The following DENND4B variants were observed in gnomAD, a reference collection of about 807,000 sequenced individuals.
DENND4B encodes DENN domain-containing protein 4B.
DENND4B carries 67 observed loss-of-function variants against 161.0 expected under a neutral mutation model. That is an observed-to-expected ratio of 0.42 (90% CI 0.34 to 0.51). The LOEUF (loss-of-function observed/expected upper bound fraction) is 0.51. DENND4B is among the 20% of genes least tolerant of loss of function. The probability of loss-of-function intolerance (pLI) is 0.08; values close to 1 mark genes in which losing one functional copy is unlikely to be tolerated. For missense variants in DENND4B, 1,481 were observed against 1,968.0 expected, an observed-to-expected ratio of 0.75 and a Z score of 4.68; for synonymous variants, 753 against 813.8, an observed-to-expected ratio of 0.93 and a Z score of 1.27.
At position 153,941,371 on chromosome 1, in the gene DENND4B, C is replaced by T. The variant is rs1679660347; in HGVS notation, c.1122+3G>A. 2 of 1,613,512 alleles carry T rather than the reference C, an allele frequency of 1.2e-6. No individual in the cohort carries two copies. The highest frequency in any genetic ancestry group is 1.3e-5 in the African/African-American group (1 of 74,892). Reference sequence around the variant, plus strand: ...TCAGCCCGGCCCCAGCCTCAGCTCTCACCTGCACTAGGATGCGGGGTCTCT... The same window carrying T: ...TCAGCCCGGCCCCAGCCTCAGCTCTTACCTGCACTAGGATGCGGGGTCTCT... On this transcript the variant is annotated splice_donor_region_variant and intron_variant, in intron 7 of 27. Transcript: ENST00000361217.
Position 153,936,520 on chromosome 1 carries a change from C to A in DENND4B, c.2439+22G>T. On this transcript the variant is annotated intron_variant, in intron 16 of 27. Transcript: ENST00000361217. The surrounding 1 kb of genome is among the most constrained non-coding windows in gnomAD (Gnocchi z 4.1). ...AAGGCTCACTGGGCCTGGGTATGAG[C>A]ATGGTCACATAGATTGCCTACCTCA... 1 of 1,554,840 alleles carries A rather than the reference C, an allele frequency of 6.4e-7. No homozygotes were observed. Among genetic ancestry groups the A allele is most frequent in the Non-Finnish European group, 8.7e-7 (1 of 1,145,226 alleles).
chr1:153,934,974 A>G lies in DENND4B; in HGVS notation c.2569-10T>C. 6.2e-7 allele frequency: 1 copy of G among 1,609,346 alleles called. No individual in the cohort carries two copies. Among genetic ancestry groups the G allele is most frequent in the Non-Finnish European group, 8.5e-7 (1 of 1,179,784 alleles). On this transcript the variant is annotated splice_polypyrimidine_tract_variant and intron_variant, in intron 17 of 27. Coordinates refer to ENST00000361217, the MANE Select transcript of DENND4B (RefSeq NM_014856.3). This position sits in a 1 kb window ranked among gnomAD's most constrained non-coding sequence, Gnocchi z 5.3. ...TGCTTTCCAACACAGCCTACCAAGC[A>G]CAGTGCCCATCAGGATGGCCTACCT...
intron 1 of DENND4B, chr1:153,945,151 ACCCCGGGGAGTAGGAG>A (rs1679891348): frequency 7.8e-7 from 1 of 1,289,328 alleles, no homozygotes. Context: ...CCATGGCCCA[ACCCCGGGGAGTAGGAG>A]CCCCAAGGGT....
Position 153,945,068 on chromosome 1 carries a change from G to A in DENND4B, c.-23-671C>T, listed in dbSNP as rs554166037. 53 of 1,278,394 alleles carry A rather than the reference G, an allele frequency of 4.1e-5. 1 individual carries two copies. In the South Asian group the frequency reaches 5.6e-4, roughly 14 times the overall value. The allele number at this position is 1,278,394 out of a possible 1,614,324, so 79.2% of individuals were successfully genotyped here. On this transcript the variant is annotated intron_variant, in intron 1 of 27. Coordinates refer to ENST00000361217, the MANE Select transcript of DENND4B (RefSeq NM_014856.3). ...AAAGCAGTTGTGAGAGACAAGTCCCGGCCATCCCACACCCTCCACCATGGA... is the reference window on the plus strand; with the variant it reads ...AAAGCAGTTGTGAGAGACAAGTCCCAGCCATCCCACACCCTCCACCATGGA...
In DENND4B at chr1:153,944,999, A is replaced by G; in HGVS notation, c.-23-602T>C. 1 of 994,598 alleles carries G rather than the reference A, an allele frequency of 1.0e-6. No homozygotes were observed. Among genetic ancestry groups the G allele is most frequent in the Non-Finnish European group, 1.3e-6 (1 of 763,214 alleles). 61.6% of individuals were successfully genotyped at this position (994,598 alleles called of 1,614,324 possible). A position where few individuals can be genotyped will look rare whatever the true frequency, so the allele number is the denominator to read the frequency against. On this transcript the variant is annotated intron_variant, in intron 1 of 27. Coordinates refer to ENST00000361217, the MANE Select transcript of DENND4B (RefSeq NM_014856.3). This position sits in a 1 kb window ranked among gnomAD's most constrained non-coding sequence, Gnocchi z 4.8. ...ACTCCACCAATCTGGCCCAAAATCC[A>G]GTGTTCTCACACCTCCAGGATCCTT...
chr1:153,944,063 C>T lies in DENND4B; in HGVS notation c.312G>A (p.Glu104=), dbSNP rs1679825625. 3.2e-6 allele frequency: 5 copies of T among 1,564,488 alleles called. No homozygotes were observed. The African/African-American group carries it at 6.8e-5, about 21-fold the overall frequency. ...GCATGGGTAGGGGCACACACCCCAG[C>T]TCAACGAGGGGGGGCTTGTCACGGC... ...RRGRDKPPLV[E]LGVLYEGKER... is the part of the protein sequence containing the mutation. Residue 104 remains glutamate (E), a synonymous_variant, in exon 2 of 28, where the codon GAG becomes GAA. Coordinates refer to ENST00000361217, the MANE Select transcript of DENND4B (RefSeq NM_014856.3). This position sits in a 1 kb window ranked among gnomAD's most constrained non-coding sequence, Gnocchi z 4.8.
In DENND4B at chr1:153,946,261, G is replaced by A. The variant is rs1190832093; in HGVS notation, c.-24+40C>T. ...CTGCCGCCCGCGCTCCCTCCTGCCC[G>A]TCCCCGCCTGCCGCCCAGCCCGGTC... On this transcript the variant is annotated intron_variant, in intron 1 of 27. Transcript: ENST00000361217. This position sits in a 1 kb window ranked among gnomAD's most constrained non-coding sequence, Gnocchi z 6.3. The A allele has an allele frequency of 1.2e-5, 4 of 338,536 alleles. No homozygotes were observed. The highest frequency in any genetic ancestry group is 2.1e-5 in the Non-Finnish European group (4 of 187,576). The allele number at this position is 338,536 out of a possible 1,614,324, so 21.0% of individuals were successfully genotyped here.
Position 153,942,924 on chromosome 1 carries a change from G to A in DENND4B, c.524C>T (p.Thr175Ile), listed in dbSNP as rs911580856. Residue 175 changes from threonine to isoleucine, a missense_variant, in exon 3 of 28, where the codon ACT becomes ATT. Transcript: ENST00000361217. This position sits in a 1 kb window ranked among gnomAD's most constrained non-coding sequence, Gnocchi z 6.9. ...CLVLPSKGEG[T>I]PHTYCRLPRN... ...GGGCAGCCGGCAGTAAGTATGAGGAGTGCCCTCGCCCTTACTGGGCAGCAC... is the reference window on the plus strand; with the variant it reads ...GGGCAGCCGGCAGTAAGTATGAGGAATGCCCTCGCCCTTACTGGGCAGCAC... 2 of 1,609,988 alleles carry A rather than the reference G, an allele frequency of 1.2e-6. No homozygotes were observed. Among genetic ancestry groups the A allele is most frequent in the African/African-American group, 2.7e-5 (2 of 74,826 alleles).
Position 153,938,932 on chromosome 1 carries a change from CAGCATGGCGAGCAGAGCCAAA to C in DENND4B, c.1912_1932del (p.Phe638_Ala644del). On this transcript the variant is annotated inframe_deletion, in exon 13 of 28. Coordinates refer to ENST00000361217, the MANE Select transcript of DENND4B (RefSeq NM_014856.3). Reference sequence around the variant, plus strand: ...ACACAAGAGTCAAAGAATTCAAGGGCAGCATGGCGAGCAGAGCCAAAAGAGCACTCCTCAATGAACTGTGAG... The same window carrying C: ...ACACAAGAGTCAAAGAATTCAAGGGCAGAGCACTCCTCAATGAACTGTGAG... The C allele has an allele frequency of 6.2e-7, 1 of 1,600,604 alleles. No individual in the cohort carries two copies. Among genetic ancestry groups the C allele is most frequent in the Non-Finnish European group, 8.5e-7 (1 of 1,173,468 alleles).
Position 153,936,684 on chromosome 1 carries a change from C to T in DENND4B, c.2297G>A (p.Cys766Tyr). ...SAAVPELWAR[C>Y]LLGHCYGLWF... ...CAGCCCATAGCAGTGCCCCAGCAGG[C>T]ACCGGGCCCACAGCTCAGGCACAGC... Residue 766 changes from cysteine (C) to tyrosine (Y), a missense_variant, in exon 16 of 28, where the codon TGC (cysteine) becomes TAC (tyrosine). Cys to Tyr is a radical substitution (Grantham distance 194). Transcript: ENST00000361217. This position sits in a 1 kb window ranked among gnomAD's most constrained non-coding sequence, Gnocchi z 4.1. The T allele has an allele frequency of 6.2e-7, 1 of 1,612,536 alleles. No homozygotes were observed.
intron 2 of DENND4B, 145 bp downstream of exon 2, chr1:153,943,913 A>T: frequency 1.1e-6 from 1 of 886,348 alleles, no homozygotes; most frequent in Non-Finnish European, 1.6e-6. Flanking sequence ...CTAAGTACAT[A>T]CAACTTCAGT....
Position 153,934,017 on chromosome 1 carries a change from T to C in DENND4B, c.2941+118A>G. The C allele has an allele frequency of 6.8e-7, 1 of 1,472,068 alleles. No homozygotes were observed. Among genetic ancestry groups the C allele is most frequent in the Middle Eastern group, 2.0e-4 (1 of 4,882 alleles). The allele number at this position is 1,472,068 out of a possible 1,614,324, so 91.2% of individuals were successfully genotyped here. ...TATTCTGGGCGAGATTCCCTCAGAATCTACAGCACCCACCACAGAGGGCCG... is the reference window on the plus strand; with the variant it reads ...TATTCTGGGCGAGATTCCCTCAGAACCTACAGCACCCACCACAGAGGGCCG... On this transcript the variant is annotated intron_variant, in intron 19 of 27. Coordinates refer to ENST00000361217, the MANE Select transcript of DENND4B (RefSeq NM_014856.3). The surrounding 1 kb of genome is among the most constrained non-coding windows in gnomAD (Gnocchi z 5.3).
rs753991091 is a variant in DENND4B at position 153,944,018 on chromosome 1, C to T, written c.317+40G>A. On this transcript the variant is annotated intron_variant, in intron 2 of 27. Coordinates refer to ENST00000361217, the MANE Select transcript of DENND4B (RefSeq NM_014856.3). The surrounding 1 kb of genome is among the most constrained non-coding windows in gnomAD (Gnocchi z 4.8). ...CTCTCCCTGTCTCACTGGAGTCCCT[C>T]CCAGCCTCCCCTGGTGCCAGCATGG... The T allele has an allele frequency of 6.6e-7, 1 of 1,509,030 alleles. No homozygotes were observed. The highest frequency in any genetic ancestry group is 8.9e-7 in the Non-Finnish European group (1 of 1,127,630). The allele number at this position is 1,509,030 out of a possible 1,614,324, so 93.5% of individuals were successfully genotyped here. A position where few individuals can be genotyped will look rare whatever the true frequency, so the allele number is the denominator to read the frequency against.
rs749599894 is a variant in DENND4B at position 153,934,286 on chromosome 1, G to T, written c.2790C>A (p.Arg930=). The T allele has an allele frequency of 1.9e-6, 3 of 1,591,282 alleles. No homozygotes were observed. Among genetic ancestry groups the T allele is most frequent in the Admixed American group, 3.7e-5 (2 of 54,430 alleles). ...GCTGAAGAGGGCGAGTAGGGGAAGG[G>T]CGCTCCAAATAGGGCTCTGTAAAAG... ...GSSQAEPYLE[R]PSPTRPLQRQ... Residue 930 remains arginine (R), a synonymous_variant, in exon 19 of 28, where the codon CGC becomes CGA. Coordinates refer to ENST00000361217, the MANE Select transcript of DENND4B (RefSeq NM_014856.3). This position sits in a 1 kb window ranked among gnomAD's most constrained non-coding sequence, Gnocchi z 5.3.
intron 11 of DENND4B, 140 bp from the exon 12 acceptor site, chr1:153,939,944 G>A: frequency 2.3e-6 from 2 of 887,306 alleles, no homozygotes; most frequent in South Asian, 1.7e-5. Flanking sequence ...TCAACTAACA[G>A]GTTCAAGCTT....
chr1:153,941,780 C>CGGGGGGGG, intron 6 of DENND4B, 89 bp downstream of exon 6: 1 of 558,836 alleles, frequency 1.8e-6, no homozygotes. Context: ...GCCCAGCCCT[C>CGGGGGGGG]CCCCCACCCA....
At position 153,942,077 on chromosome 1, in the gene DENND4B, G is replaced by A; in HGVS notation, c.847C>T (p.Pro283Ser). 1.2e-6 allele frequency: 2 copies of A among 1,612,838 alleles called. No individual in the cohort carries two copies. Among genetic ancestry groups the A allele is most frequent in the African/African-American group, 1.3e-5 (1 of 75,016 alleles). ...TGTCGCTCTGATAGCCTGGCCCTTG[G>A]GAACGCCTCGTAGAACTGCAGGGCG... ...GAALQFYEAFPRARLSERQAR... is the reference protein window; with the variant it reads ...GAALQFYEAFSRARLSERQAR... The change falls in exon 6 of 28, where the codon CCA (proline) becomes TCA (serine). Residue 283 changes from proline to serine, a missense_variant. By Grantham distance (74) the Pro-to-Ser change is moderately conservative. Coordinates refer to ENST00000361217, the MANE Select transcript of DENND4B (RefSeq NM_014856.3). This position sits in a 1 kb window ranked among gnomAD's most constrained non-coding sequence, Gnocchi z 6.9.
At chr1:153,935,963 A>C (rs1041495605) in intron 17 of DENND4B, 97 bp downstream of exon 17, 3 of 1,480,678 alleles carry the variant, frequency 2.0e-6, no homozygotes, top group Admixed American at 3.9e-5. Flanking sequence ...GGCAAACAGT[A>C]CCAGCCCAAT....
At chr1:153,939,432 A>C (rs1206227242) in intron 12 of DENND4B, among the ~76,000 whole-genome samples, 157 bp downstream of exon 12, 1 of 152,026 alleles carries the variant, frequency 6.6e-6, no homozygotes, top group Admixed American at 6.6e-5. Flanking sequence ...AGACCAGAAG[A>C]GTTAAATGGC....
Sources: allele counts gnomAD v4.1 joint callset (sites outside exome capture counted in the v4.1 genomes callset), GRCh38; gene constraint gnomAD v4.1.1; non-coding constraint Gnocchi (gnomAD v3.1); transcripts MANE v1.5; gene names NCBI Gene and HGNC (gene_info 2026-07-23, HGNC 2026-07-21).